The following RABGAP1L variants were observed in gnomAD, a reference collection of about 807,000 sequenced individuals.
RABGAP1L encodes rab GTPase-activating protein 1-like.
RABGAP1L carries 63 observed loss-of-function variants against 137.7 expected under a neutral mutation model. The ratio of observed to expected loss-of-function variants is 0.46; its 90% confidence interval spans 0.37 to 0.56. The LOEUF (loss-of-function observed/expected upper bound fraction) is 0.56, where lower values mean the gene tolerates loss of function less well. Among genes scored for constraint, RABGAP1L ranks in the 20% least tolerant of loss-of-function variants. RABGAP1L has a pLI of 0.00. For missense variants in RABGAP1L, 1,095 were observed against 1,244.0 expected, an observed-to-expected ratio of 0.88 and a Z score of 1.80; for synonymous variants, 431 against 433.7, an observed-to-expected ratio of 0.99 and a Z score of 0.08.
intron 11 of RABGAP1L, among the ~76,000 whole-genome samples, chr1:174,311,829 AC>A (rs1678883840): frequency 6.6e-6 from 1 of 151,694 alleles, no homozygotes; most frequent in Non-Finnish European, 1.5e-5. Context: ...CTTGTCTCAA[AC>A]TCCTGACCTC....
chr1:174,687,267 A>G (rs1194166932), intron 15 of RABGAP1L, among the ~76,000 whole-genome samples: 1 of 152,190 alleles, frequency 6.6e-6, no homozygotes, highest in Non-Finnish European at 1.5e-5. Flanking sequence ...GAACTCCAAC[A>G]AGATAGCTTC....
chr1:174,959,963 C>A (rs535960567), intron 20 of RABGAP1L, among the ~76,000 whole-genome samples: 1 of 152,220 alleles, frequency 6.6e-6, no homozygotes, highest in East Asian at 1.9e-4. Context: ...GATCTCTGTC[C>A]TGGGAATGAG....
chr1:174,379,099 A>G (rs965782745), intron 12 of RABGAP1L, among the ~76,000 whole-genome samples: 58 of 142,910 alleles, frequency 4.1e-4, no homozygotes, highest in African/African-American at 1.5e-3. Flanking sequence ...ATAGTTGTAG[A>G]TATGCGGCGT....
intron 13 of RABGAP1L, among the ~76,000 whole-genome samples, chr1:174,573,235 ATATG>A (rs768813065): frequency 5.6e-5 from 8 of 142,918 alleles, no homozygotes; most frequent in South Asian, 2.2e-4. Context: ...ATATATGTTT[ATATG>A]TATGTGTGTA....
chr1:174,533,151 T>C (rs1316390280), intron 13 of RABGAP1L, among the ~76,000 whole-genome samples: 1 of 152,188 alleles, frequency 6.6e-6, no homozygotes, highest in African/African-American at 2.4e-5. Flanking sequence ...GGAGAATCGC[T>C]TGAACCCGGG....
chr1:174,633,893 T>C (rs1283555067), intron 13 of RABGAP1L, among the ~76,000 whole-genome samples: 3 of 97,222 alleles, frequency 3.1e-5, no homozygotes, highest in Non-Finnish European at 5.7e-5. Flanking sequence ...TCAAGATGGA[T>C]TAAAGATTTA....
chr1:174,905,048 A>T (rs996086447), intron 19 of RABGAP1L, among the ~76,000 whole-genome samples: 6 of 152,142 alleles, frequency 3.9e-5, no homozygotes, highest in Non-Finnish European at 5.9e-5. Context: ...GCAGCACTCC[A>T]ATCATGCACT....
At chr1:174,660,369 T>G (rs538595371) in intron 14 of RABGAP1L, among the ~76,000 whole-genome samples, 1 of 152,310 alleles carries the variant, frequency 6.6e-6, no homozygotes, top group Non-Finnish European at 1.5e-5. Flanking sequence ...GCATATTCTT[T>G]TGCAACCATG....
intron 4 of RABGAP1L, 61 bp downstream of exon 4, chr1:174,231,416 G>T: frequency 3.4e-6 from 5 of 1,450,052 alleles, no homozygotes. Context: ...TGGTGAAGAT[G>T]TTATAGCATC....
intron 17 of RABGAP1L, among the ~76,000 whole-genome samples, chr1:174,739,041 A>C (rs1015889249): frequency 6.6e-6 from 1 of 152,210 alleles, no homozygotes; most frequent in African/African-American, 2.4e-5. Flanking sequence ...TCACTATGGC[A>C]GGAAGATCTG....
chr1:174,624,529 T>G (rs1421003339), intron 13 of RABGAP1L, among the ~76,000 whole-genome samples: 1 of 152,192 alleles, frequency 6.6e-6, no homozygotes, highest in East Asian at 1.9e-4. Context: ...AGTTTTCATA[T>G]AGACTTGCAA....
intron 13 of RABGAP1L, among the ~76,000 whole-genome samples, chr1:174,563,919 C>T (rs556972117): frequency 6.6e-6 from 1 of 152,194 alleles, no homozygotes; most frequent in East Asian, 1.9e-4. Flanking sequence ...GGTCTTGCCA[C>T]TAGTAGAAAA....
chr1:174,434,151 A>ACACACACACC (rs1361968902), intron 13 of RABGAP1L, among the ~76,000 whole-genome samples: 167 of 147,612 alleles, frequency 1.1e-3, no homozygotes, highest in African/African-American at 1.9e-3. Context: ...ACACACACAC[A>ACACACACACC]CCCTGCCTGG....
intron 13 of RABGAP1L, among the ~76,000 whole-genome samples, chr1:174,456,002 T>A (rs1049216825): frequency 2.0e-5 from 3 of 152,216 alleles, no homozygotes; most frequent in African/African-American, 7.2e-5. Context: ...TATAGATGGC[T>A]GGTAATAGAG....
intron 1 of RABGAP1L, among the ~76,000 whole-genome samples, chr1:174,200,552 A>T (rs1330593706): frequency 6.6e-6 from 1 of 152,156 alleles, no homozygotes; most frequent in Admixed American, 6.5e-5. Context: ...AGTTGGGGAG[A>T]TTGTTGAAAC....
At chr1:174,959,474 A>G (rs1668894943) in intron 20 of RABGAP1L, among the ~76,000 whole-genome samples, 1 of 152,220 alleles carries the variant, frequency 6.6e-6, no homozygotes, top group African/African-American at 2.4e-5. Context: ...CAAAGCAGGT[A>G]TGTATACATT....
chr1:174,348,950 G>A (rs1317381698), intron 11 of RABGAP1L, among the ~76,000 whole-genome samples: 2 of 152,202 alleles, frequency 1.3e-5, no homozygotes, highest in African/African-American at 4.8e-5. Flanking sequence ...TGTCATCCTG[G>A]CCCGTTCTCA....
At chr1:174,892,104 C>G (rs186183968) in intron 19 of RABGAP1L, among the ~76,000 whole-genome samples, 1 of 152,206 alleles carries the variant, frequency 6.6e-6, no homozygotes, top group East Asian at 1.9e-4. Context: ...CACCTCCAAC[C>G]GGCCTGGAGC....
intron 1 of RABGAP1L, among the ~76,000 whole-genome samples, chr1:174,167,380 C>CAT (rs1375808434): frequency 6.6e-6 from 1 of 152,054 alleles, no homozygotes; most frequent in East Asian, 1.9e-4. Flanking sequence ...ACATAGTGTG[C>CAT]ATATATGTAT....
Sources: gnomAD v4.1 joint callset for allele counts (sites outside exome capture counted in the v4.1 genomes callset) on GRCh38, gnomAD v4.1.1 for gene constraint, MANE v1.5 for transcripts, NCBI Gene and HGNC (gene_info 2026-07-23, HGNC 2026-07-21) for gene names.